ABCB8: variants seen among roughly 807,000 people sequenced by gnomAD.
The protein encoded by ABCB8 is ATP binding cassette subfamily B member 8.
In ABCB8, 52 loss-of-function variants were observed where a neutral mutation model predicts 73.0. The ratio of observed to expected loss-of-function variants is 0.71; its 90% CI spans 0.57 to 0.90. The LOEUF (loss-of-function observed/expected upper bound fraction) is 0.90. Ranked by LOEUF, ABCB8 falls within the 40% of genes least tolerant of loss-of-function variation. The probability of loss-of-function intolerance (pLI) is 0.00; values close to 1 mark genes in which losing one functional copy is unlikely to be tolerated. For missense variants in ABCB8, 909 were observed against 974.6 expected (o/e 0.93, Z 0.90); for synonymous variants, 428 against 423.5 (o/e 1.01, Z -0.13).
intron 9 of ABCB8, chr7:151,038,657 A>C (rs554835750): frequency 6.6e-6 from 1 of 151,510 alleles, no homozygotes; most frequent in African/African-American, 2.4e-5. Context: ...CTTCCCCTTT[A>C]GGGCCTGAGA....
At chr7:151,032,927 C>T (rs1459765978) in intron 1 of ABCB8, 1 of 439,522 alleles carries the variant, frequency 2.3e-6, no homozygotes, top group South Asian at 1.6e-5. Flanking sequence ...GAAGACATGG[C>T]ACACTGGCAG....
chr7:151,041,938 T>C, intron 13 of ABCB8, 23 bp from the exon 14 acceptor site: 3 of 1,609,712 alleles, frequency 1.9e-6, no homozygotes, highest in Non-Finnish European at 2.5e-6. Context: ...ATGGACTCTG[T>C]CTCCATAACC....
chr7:151,037,673 C>T (rs1043325910), intron 9 of ABCB8: 11 of 342,166 alleles, frequency 3.2e-5, no homozygotes, highest in African/African-American at 1.5e-4. Flanking sequence ...GCTCTTCCAC[C>T]GGGGCCCCCA....
In ABCB8 at chr7:151,045,614, C is replaced by A; in HGVS notation, c.*265C>A. 2.5e-6 allele frequency: 1 copy of A among 396,750 alleles called. No individual in the cohort carries two copies. Among genetic ancestry groups the A allele is most frequent in the Non-Finnish European group, 4.4e-6 (1 of 224,876 alleles). 24.6% of individuals were successfully genotyped at this position (396,750 alleles called of 1,614,324 possible). ...TGCAATGGGCAGAGACAGAGTTCCA[C>A]GAGACACCTCCACTCTATTCTCCCT... is the stretch of plus-strand genomic sequence containing the variant. On this transcript the variant is annotated 3_prime_UTR_variant, in exon 16 of 16. Transcript: ENST00000358849.
intron 1 of ABCB8, chr7:151,028,865 G>A (rs1390787003): frequency 2.6e-6 from 4 of 1,531,314 alleles, no homozygotes; most frequent in Non-Finnish European, 3.5e-6. Context: ...CAGTGACCAC[G>A]CCCAGTCCGC....
chr7:151,043,889 G>A (rs566920638), intron 14 of ABCB8, 82 bp from the exon 15 acceptor site: 453 of 1,568,662 alleles, frequency 2.9e-4, no homozygotes, highest in African/African-American at 1.6e-3. Context: ...CTTGATGGGC[G>A]TTCAGGAAGG....
rs1487510023 is a variant in ABCB8, at chr7:151,040,247, CCTCT to C, written c.1218-17_1218-14del. Reference sequence around the variant, plus strand: ...TCTTCTTGTTCCCATCTATTCCACCCCTCTCTCCTTTTTCTGACAGGTCCATGGC... The same window carrying C: ...TCTTCTTGTTCCCATCTATTCCACCCCTCCTTTTTCTGACAGGTCCATGGC... On this transcript the variant is annotated splice_polypyrimidine_tract_variant and intron_variant, in intron 9 of 15. Transcript: ENST00000358849. 6.2e-7 allele frequency: 1 copy of C among 1,610,690 alleles called. No individual in the cohort carries two copies. The highest frequency in any genetic ancestry group is 8.5e-7 in the Non-Finnish European group (1 of 1,178,718).
At chr7:151,036,895 C>A in intron 9 of ABCB8, 1 of 751,822 alleles carries the variant, frequency 1.3e-6, no homozygotes. Flanking sequence ...TCCAAAGGAC[C>A]CAGAAGTTTC....
rs369655759 is a variant in ABCB8, at chr7:151,034,293, C to T, written c.429C>T (p.Leu143=). The T allele has an allele frequency of 2.3e-5, 37 of 1,613,222 alleles. No homozygotes were observed. The South Asian group carries it at 3.0e-4, about 13-fold the overall frequency. The change falls in exon 3 of 16, where the codon CTC becomes CTT. Residue 143 remains leucine, a synonymous_variant. Coordinates refer to ENST00000358849, the MANE Select transcript of ABCB8 (RefSeq NM_007188.5). The stretch of plus-strand genomic sequence containing the variant: ...TCCAGCTGGCCTTGGGTGCGGCACT[C>T]GTGAATGTACAGATCCCCCTGCTCC... ...VAVVLALGAA[L]VNVQIPLLLG... is the part of the protein sequence containing the mutation.
intron 13 of ABCB8, 45 bp downstream of exon 13, chr7:151,041,277 C>T (rs1427425219): frequency 1.9e-6 from 3 of 1,558,484 alleles, no homozygotes; most frequent in Non-Finnish European, 2.6e-6. Flanking sequence ...TGCCCGTCCT[C>T]CCCTGGGCCC....
rs1796339973 is a variant in ABCB8, at chr7:151,037,418, C to T, written c.1217+769C>T. 21 of 683,276 alleles carry T rather than the reference C, an allele frequency of 3.1e-5. 1 individual carries two copies. Among genetic ancestry groups the T allele is most frequent in the South Asian group, 2.3e-4 (15 of 64,238 alleles). The allele number at this position is 683,276 out of a possible 1,614,324, so 42.3% of individuals were successfully genotyped here. On this transcript the variant is annotated intron_variant, in intron 9 of 15. Transcript: ENST00000358849. ...CCCACCCTTATAGCTTATTGCTTTGCGTTGGTCCAAAACCACCCGCTCAGC... is the reference window on the plus strand; with the variant it reads ...CCCACCCTTATAGCTTATTGCTTTGTGTTGGTCCAAAACCACCCGCTCAGC...
Position 151,045,207 on chromosome 7 carries a change from A to G in ABCB8, c.2017-2A>G. The G allele has an allele frequency of 6.4e-7, 1 of 1,551,960 alleles. No homozygotes were observed. The highest frequency in any genetic ancestry group is 8.7e-7 in the Non-Finnish European group (1 of 1,147,060). ...CATCCGCCCTTCCCTCCCATCTTCC[A>G]GGCTGGGACACATGAAGAGCTCCTG... On this transcript the variant is annotated splice_acceptor_variant, in intron 15 of 15. Coordinates refer to ENST00000358849, the MANE Select transcript of ABCB8 (RefSeq NM_007188.5). LOFTEE classifies it high-confidence loss of function.
In ABCB8 at chr7:151,040,884, CT is replaced by C; in HGVS notation, c.1446del (p.Gly483AlafsTer32). On this transcript the variant is annotated frameshift_variant, in exon 12 of 16. Coordinates refer to ENST00000358849, the MANE Select transcript of ABCB8 (RefSeq NM_007188.5). LOFTEE classifies it high-confidence loss of function. ...VLKDFTLTLP[P>X]GKIVALVGQS... is the part of the protein sequence containing the mutation. ...AAAGACTTCACCCTGACGCTGCCCC[CT>C]GGCAAGATCGTGGCCCTCGTGGGCC... is the stretch of plus-strand genomic sequence containing the variant. 6.2e-7 allele frequency: 1 copy of C among 1,606,498 alleles called. No individual in the cohort carries two copies. The highest frequency in any genetic ancestry group is 1.1e-5 in the South Asian group (1 of 90,014).
rs199882235 is a variant in ABCB8 at position 151,045,286 on chromosome 7, G to A, written c.2094G>A (p.Pro698=). ...ELIRRQALDA[P]RTAAPPPKKP... ...TCCGGAGGCAGGCCCTGGATGCCCC[G>A]AGGACAGCGGCCCCACCGCCCAAAA... Residue 698 remains proline (P), a synonymous_variant, in exon 16 of 16, where the codon CCG becomes CCA. Coordinates refer to ENST00000358849, the MANE Select transcript of ABCB8 (RefSeq NM_007188.5). 2.7e-5 allele frequency: 44 copies of A among 1,604,074 alleles called. No individual in the cohort carries two copies. Among genetic ancestry groups the A allele is most frequent in the South Asian group, 1.0e-4 (9 of 89,776 alleles).
At chr7:151,038,336 C>T (rs1225153672) in intron 9 of ABCB8, 1 of 152,164 alleles carries the variant, frequency 6.6e-6, no homozygotes, top group Non-Finnish European at 1.5e-5. Context: ...TCCTGGCCAA[C>T]ATGGTGAAAC....
intron 9 of ABCB8, chr7:151,037,114 C>T: frequency 2.8e-6 from 2 of 701,922 alleles, no homozygotes; most frequent in Admixed American, 4.0e-5. Flanking sequence ...TTGCCCTCCC[C>T]CAGCCCCTGG....
rs1166138881 is a variant in ABCB8, at chr7:151,033,588, CCT to C, written c.96-9_96-8del. 2 of 1,535,084 alleles carry C rather than the reference CCT, an allele frequency of 1.3e-6. No individual in the cohort carries two copies. The highest frequency in any genetic ancestry group is 1.8e-6 in the Non-Finnish European group (2 of 1,138,276). ...CAGTCGGAGCCTCAAGCCATCCATG[CCT>C]CTCTCTCCTTACAGGTACTCTGATG... On this transcript the variant is annotated splice_polypyrimidine_tract_variant and intron_variant, in intron 1 of 15. Transcript: ENST00000358849.
chr7:151,036,181 C>T lies in ABCB8; in HGVS notation c.1111+11C>T. The T allele has an allele frequency of 2.5e-6, 4 of 1,595,882 alleles. No individual in the cohort carries two copies. The highest frequency in any genetic ancestry group is 2.2e-5 in the South Asian group (2 of 89,918). On this transcript the variant is annotated intron_variant, in intron 8 of 15. Transcript: ENST00000358849. ...ACATCGCCTTCAACTGTGAGTGAGC[C>T]ATTTGGGGGCTGGAGGGGCGCTTGT...
At chr7:151,031,197 G>C in intron 1 of ABCB8, 1 of 1,217,958 alleles carries the variant, frequency 8.2e-7, no homozygotes, top group Non-Finnish European at 1.2e-6. Context: ...TTATGTACCG[G>C]AGTTCTGCCA....
Sources: gnomAD v4.1 joint callset for allele counts on GRCh38, gnomAD v4.1.1 for gene constraint, MANE v1.5 for transcripts, NCBI Gene and HGNC (gene_info 2026-07-23, HGNC 2026-07-21) for gene names.